The following LINGO1 variants were observed in gnomAD, a reference collection of about 807,000 sequenced individuals.
The protein encoded by LINGO1 is leucine rich repeat and Ig domain containing 1.
LINGO1 carries 11 observed loss-of-function variants against 37.3 expected under a neutral mutation model. The ratio of observed to expected loss-of-function variants is 0.29; its 90% CI spans 0.19 to 0.49. The LOEUF is 0.49. LINGO1 is among the 20% of genes least tolerant of loss of function. LINGO1 has a pLI of 0.99. For missense variants in LINGO1, 585 were observed against 878.2 expected (o/e 0.67, Z 4.22); for synonymous variants, 387 against 403.0 (o/e 0.96, Z 0.48).
Position 77,761,427 on chromosome 15 carries a change from C to T in LINGO1, c.-257+25442G>A, listed in dbSNP as rs370055557. 1.4e-4 allele frequency among the ~76,000 whole-genome samples: 22 copies of T among 152,254 alleles called. No individual in the cohort carries two copies. The East Asian group carries it at 2.1e-3, about 15-fold the overall frequency. ...GCTGTCCTCACAGTCTTGCTGATGG[C>T]GCAGAAGTTGGGACAGGCATTCTTT... On this transcript the variant is annotated intron_variant, in intron 1 of 3. Coordinates refer to the LINGO1 transcript ENST00000561686.
chr15:77,756,485 GACAC>G (rs35031617), intron 1 of LINGO1, among the ~76,000 whole-genome samples: 18,426 of 140,660 alleles, frequency 0.13, 1,191 homozygotes, highest in Non-Finnish European at 0.16. Context: ...CAGACAGACA[GACAC>G]ACACACACAC....
chr15:77,680,201 T>A (rs2075390883), intron 2 of LINGO1, among the ~76,000 whole-genome samples: 1 of 152,130 alleles, frequency 6.6e-6, no homozygotes, highest in African/African-American at 2.4e-5. Context: ...GCAGCCTAGG[T>A]CCCTGAGTTG....
At chr15:77,669,136 G>A (rs1357739392) in intron 3 of LINGO1, among the ~76,000 whole-genome samples, 4 of 152,256 alleles carry the variant, frequency 2.6e-5, no homozygotes, top group Non-Finnish European at 4.4e-5. Flanking sequence ...GGCCTGGGCC[G>A]CCACTGGGCC....
At chr15:77,790,509 G>C (rs1462320204), upstream of LINGO1, among the ~76,000 whole-genome samples, 1 of 152,218 alleles carries the variant, frequency 6.6e-6, no homozygotes, top group African/African-American at 2.4e-5. Flanking sequence ...GAGGGTAAGG[G>C]CCAGGGTGGG....
In LINGO1 at chr15:77,632,120, G is replaced by A. The variant is rs940358081; in HGVS notation, c.6+190C>T. On this transcript the variant is annotated intron_variant, in intron 1 of 1. Transcript: ENST00000355300. The surrounding 1 kb of genome is among the most constrained non-coding windows in gnomAD (Gnocchi z 6.0). ...GAATTTGTTGGGGTTGGAGAGAGGG[G>A]AGGTGGAAAAGGAAGAATTTTCATT... is the stretch of plus-strand genomic sequence containing the variant. Among the ~76,000 whole-genome samples, 1 of 152,186 alleles carries A rather than the reference G, an allele frequency of 6.6e-6. No individual in the cohort carries two copies. The highest frequency in any genetic ancestry group is 1.5e-5 in the Non-Finnish European group (1 of 68,002).
Position 77,766,479 on chromosome 15 carries a change from G to T in LINGO1, c.-257+20390C>A, listed in dbSNP as rs143259057. 5.0e-3 allele frequency among the ~76,000 whole-genome samples: 759 copies of T among 151,980 alleles called. 10 individuals are homozygous for T. Among genetic ancestry groups the T allele is most frequent in the African/African-American group, 0.018 (726 of 41,462 alleles). ...ATTTTAAAGAGAATTGATATGATTTGGCTCTGTGTTCCCACCAAAATCTCA... is the reference window on the plus strand; with the variant it reads ...ATTTTAAAGAGAATTGATATGATTTTGCTCTGTGTTCCCACCAAAATCTCA... On this transcript the variant is annotated intron_variant, in intron 1 of 3. Coordinates refer to the LINGO1 transcript ENST00000561686.
At chr15:77,634,830 C>T (rs1374084087), upstream of LINGO1, among the ~76,000 whole-genome samples, 1 of 152,098 alleles carries the variant, frequency 6.6e-6, no homozygotes. Context: ...CTCCCACCAG[C>T]CCGACAGGAA....
At chr15:77,681,329 T>A (rs1234212243) in intron 2 of LINGO1, among the ~76,000 whole-genome samples, 2 of 152,098 alleles carry the variant, frequency 1.3e-5, no homozygotes, top group African/African-American at 4.8e-5. Context: ...GCCATAGCAT[T>A]TGCTCAGATA....
chr15:77,747,041 C>A (rs2076321150), intron 1 of LINGO1, among the ~76,000 whole-genome samples: 1 of 152,222 alleles, frequency 6.6e-6, no homozygotes, highest in Non-Finnish European at 1.5e-5. Context: ...AACACAGGCA[C>A]CTAGGCCCGG....
At chr15:77,741,610 G>A (rs1042014955) in intron 1 of LINGO1, among the ~76,000 whole-genome samples, 2 of 152,286 alleles carry the variant, frequency 1.3e-5, no homozygotes, top group South Asian at 2.1e-4. Flanking sequence ...GTGGCCAGCC[G>A]CTCTCCCCAG....
intron 2 of LINGO1, among the ~76,000 whole-genome samples, chr15:77,709,332 A>G (rs1277651448): frequency 6.6e-6 from 1 of 152,214 alleles, no homozygotes. Flanking sequence ...ACAGCTCCCA[A>G]GGCAGGTTCA....
chr15:77,698,134 G>A (rs2075720572), upstream of LINGO1, among the ~76,000 whole-genome samples: 1 of 152,180 alleles, frequency 6.6e-6, no homozygotes, highest in Non-Finnish European at 1.5e-5. Flanking sequence ...CAGCAATATA[G>A]AGGAGGGCGG....
Position 77,632,404 on chromosome 15 carries a change from C to T in LINGO1, c.-89G>A. On this transcript the variant is annotated 5_prime_UTR_variant, in exon 1 of 2. Coordinates refer to ENST00000355300, the MANE Select transcript of LINGO1 (RefSeq NM_032808.7). This position sits in a 1 kb window ranked among gnomAD's most constrained non-coding sequence, Gnocchi z 6.0. ...CCAGGCCCCAGCCCCTGCCCAGCCCCCTCCTCCGTTTCCTCCTCCTCCGAC... is the reference window on the plus strand; with the variant it reads ...CCAGGCCCCAGCCCCTGCCCAGCCCTCTCCTCCGTTTCCTCCTCCTCCGAC... 1.6e-6 allele frequency: 2 copies of T among 1,263,174 alleles called. No individual in the cohort carries two copies. Among genetic ancestry groups the T allele is most frequent in the East Asian group, 6.4e-5 (2 of 31,076 alleles). 78.2% of individuals were successfully genotyped at this position (1,263,174 alleles called of 1,614,324 possible). A position where few individuals can be genotyped will look rare whatever the true frequency, so the allele number is the denominator to read the frequency against.
upstream of LINGO1, among the ~76,000 whole-genome samples, chr15:77,635,074 G>T (rs1160128716): frequency 1.3e-5 from 2 of 152,192 alleles, no homozygotes; most frequent in Admixed American, 6.5e-5. Context: ...AGGTGCTACC[G>T]GAGGAAGCTG....
upstream of LINGO1, among the ~76,000 whole-genome samples, chr15:77,699,770 ATCATTCC>A (rs2075756348): frequency 1.6e-5 from 2 of 127,216 alleles, no homozygotes; most frequent in East Asian, 2.4e-4. Context: ...CATACTAACC[ATCATTCC>A]CCCCCTCTAC....
intron 1 of LINGO1, among the ~76,000 whole-genome samples, chr15:77,751,069 C>CT (rs2076366518): frequency 1.3e-5 from 2 of 152,146 alleles, no homozygotes; most frequent in Non-Finnish European, 2.9e-5. Context: ...GTACCATCTC[C>CT]CTCTCTGTGT....
chr15:77,757,802 GA>G (rs1426818572), intron 1 of LINGO1, among the ~76,000 whole-genome samples: 1 of 152,192 alleles, frequency 6.6e-6, no homozygotes, highest in Non-Finnish European at 1.5e-5. Flanking sequence ...GAATGCCCCA[GA>G]ACAGGGGCTC....
intron 3 of LINGO1, among the ~76,000 whole-genome samples, chr15:77,657,980 G>C (rs190407452): frequency 6.6e-6 from 1 of 152,116 alleles, no homozygotes; most frequent in Non-Finnish European, 1.5e-5. Flanking sequence ...TCTGCCGCCC[G>C]CCCAAGCTTG....
At chr15:77,766,343 G>A (rs1194985981) in intron 1 of LINGO1, among the ~76,000 whole-genome samples, 44 of 81,998 alleles carry the variant, frequency 5.4e-4, no homozygotes, top group African/African-American at 9.8e-4. Flanking sequence ...AGAGAGAAAA[G>A]AAAAGAAATG....
Sources: allele counts gnomAD v4.1 joint callset (sites outside exome capture counted in the v4.1 genomes callset), GRCh38; gene constraint gnomAD v4.1.1; non-coding constraint Gnocchi (gnomAD v3.1); transcripts MANE v1.5; gene names NCBI Gene and HGNC (gene_info 2026-07-23, HGNC 2026-07-21).